The following CALN1 variants were observed in gnomAD, a reference collection of about 807,000 sequenced individuals.
CALN1 encodes calneuron 1.
CALN1 carries 17 observed loss-of-function variants against 30.6 expected under a neutral mutation model. That is an observed-to-expected ratio of 0.56 (90% CI 0.38 to 0.83). The LOEUF (loss-of-function observed/expected upper bound fraction) is 0.83, where lower values mean the gene tolerates loss of function less well. Among genes scored for constraint, CALN1 ranks in the 40% least tolerant of loss-of-function variants. The probability of loss-of-function intolerance (pLI) is 0.00; values close to 1 mark genes in which losing one functional copy is unlikely to be tolerated. For synonymous variants in CALN1, 156 were observed against 131.4 expected (o/e 1.19, Z -1.28); for missense variants, 291 against 354.9 (o/e 0.82, Z 1.45).
chr7:71,812,964 T>TTATTA (rs1193948310), intron 5 of CALN1, among the ~76,000 whole-genome samples: 1 of 140,826 alleles, frequency 7.1e-6, no homozygotes, highest in Non-Finnish European at 1.6e-5. Flanking sequence ...ATTATTATTA[T>TTATTA]TTGAGATGGA....
intron 2 of CALN1, among the ~76,000 whole-genome samples, chr7:72,396,894 T>TTAG (rs745687749): frequency 1.4e-4 from 21 of 152,056 alleles, no homozygotes; most frequent in Non-Finnish European, 2.8e-4. Context: ...GTAGAATCTT[T>TTAG]TAGTAGTAGT....
chr7:72,269,770 A>G (rs1028332401), intron 3 of CALN1, among the ~76,000 whole-genome samples: 3 of 152,258 alleles, frequency 2.0e-5, no homozygotes, highest in Admixed American at 2.0e-4. Flanking sequence ...CACAATGTTC[A>G]GTCTATAGTC....
intron 5 of CALN1, among the ~76,000 whole-genome samples, chr7:71,934,248 C>T (rs906709822): frequency 1.3e-5 from 2 of 152,102 alleles, no homozygotes; most frequent in Admixed American, 1.3e-4. Flanking sequence ...TCTTAGATCC[C>T]ATATCTGAAG....
chr7:71,868,349 G>A (rs1373421935), intron 5 of CALN1, among the ~76,000 whole-genome samples: 1 of 151,484 alleles, frequency 6.6e-6, no homozygotes, highest in Non-Finnish European at 1.5e-5. Context: ...GGAACAGCGA[G>A]AGGGGAGGAA....
intron 3 of CALN1, among the ~76,000 whole-genome samples, chr7:72,123,395 T>A (rs1471060113): frequency 6.6e-6 from 1 of 152,186 alleles, no homozygotes; most frequent in Admixed American, 6.5e-5. Context: ...AAACAAGAAC[T>A]CCTCTTCTGT....
intron 2 of CALN1, among the ~76,000 whole-genome samples, chr7:72,367,102 TTAA>T (rs1166382945): frequency 7.6e-6 from 1 of 131,948 alleles, no homozygotes; most frequent in Admixed American, 7.6e-5. Context: ...TGATTATATT[TTAA>T]TAATAAAAAA....
chr7:72,488,202 C>CA, the CALN1 span, among the ~76,000 whole-genome samples: 9 of 150,622 alleles, frequency 6.0e-5, no homozygotes, highest in Non-Finnish European at 8.9e-5. Flanking sequence ...CCTATCTGTA[C>CA]AAAAAAAAAT....
intron 4 of CALN1, among the ~76,000 whole-genome samples, chr7:72,044,831 G>A (rs1802367657): frequency 6.6e-6 from 1 of 151,766 alleles, no homozygotes; most frequent in Non-Finnish European, 1.5e-5. Flanking sequence ...TGTTCCCCAG[G>A]CCGATCTCCA....
chr7:72,060,028 C>G (rs973120728), intron 4 of CALN1, among the ~76,000 whole-genome samples: 1 of 152,098 alleles, frequency 6.6e-6, no homozygotes. Context: ...CTCGAGTACC[C>G]CCAGCTAGAT....
At chr7:71,832,499 T>C (rs1584324250) in intron 5 of CALN1, among the ~76,000 whole-genome samples, 1 of 152,316 alleles carries the variant, frequency 6.6e-6, no homozygotes, top group East Asian at 1.9e-4. Context: ...TGGGCACTTA[T>C]TCAGAAACAA....
intron 2 of CALN1, among the ~76,000 whole-genome samples, chr7:72,286,935 A>G (rs992082603): frequency 3.3e-5 from 5 of 152,240 alleles, no homozygotes; most frequent in Admixed American, 1.3e-4. Context: ...AGTGAGAAGA[A>G]GAGATATCAA....
chr7:71,920,107 G>C (rs575240590), intron 5 of CALN1, among the ~76,000 whole-genome samples: 2 of 152,284 alleles, frequency 1.3e-5, no homozygotes, highest in South Asian at 4.1e-4. Context: ...AAGGATTGCA[G>C]ACATGTTTAT....
At chr7:72,136,101 T>C (rs967123351) in intron 3 of CALN1, among the ~76,000 whole-genome samples, 4 of 144,088 alleles carry the variant, frequency 2.8e-5, no homozygotes, top group Admixed American at 6.9e-5. Context: ...CACCACTGCA[T>C]TCCAGCCTGG....
Position 71,838,068 on chromosome 7 carries a change from T to A in CALN1, c.502-27576A>T, listed in dbSNP as rs184433522. ...ATCATGTTACAGATTTTAATGGACATGGCTTTAGAGGCTGCATAAAATTGC... is the reference window on the plus strand; with the variant it reads ...ATCATGTTACAGATTTTAATGGACAAGGCTTTAGAGGCTGCATAAAATTGC... On this transcript the variant is annotated intron_variant, in intron 5 of 6. Coordinates refer to ENST00000395275, the MANE Select transcript of CALN1 (RefSeq NM_031468.4). Among the ~76,000 whole-genome samples the A allele has an allele frequency of 2.0e-3, 310 of 152,294 alleles. 1 individual carries two copies. The highest frequency in any genetic ancestry group is 7.3e-3 in the African/African-American group (303 of 41,564).
In CALN1 at chr7:71,781,389, T is replaced by A. The variant is rs1336486580; in HGVS notation, c.*6386A>T. On this transcript the variant is annotated 3_prime_UTR_variant, in exon 7 of 7. Transcript: ENST00000395275. ...AGAGAGGCATTCTGGGCTTGACAGA[T>A]GTCAGCATCCTCCCAGGAATGGCGA... 6.6e-6 allele frequency: 1 copy of A among 152,282 alleles called. No homozygotes were observed. The highest frequency in any genetic ancestry group is 1.5e-5 in the Non-Finnish European group (1 of 68,126). The allele number at this position is 152,282 out of a possible 1,614,324, so 9.4% of individuals were successfully genotyped here. A position where few individuals can be genotyped will look rare whatever the true frequency, so the allele number is the denominator to read the frequency against.
At chr7:71,973,484 G>A (rs1210044387) in intron 5 of CALN1, among the ~76,000 whole-genome samples, 1 of 151,944 alleles carries the variant, frequency 6.6e-6, no homozygotes, top group Non-Finnish European at 1.5e-5. Context: ...CCTGAATTCT[G>A]GTTTGAGTAT....
chr7:71,989,777 G>T (rs1584691765), intron 5 of CALN1, among the ~76,000 whole-genome samples: 1 of 152,022 alleles, frequency 6.6e-6, no homozygotes, highest in African/African-American at 2.4e-5. Flanking sequence ...ATCACTGTTA[G>T]CAAACAAAGA....
chr7:71,806,870 G>C (rs28465034), intron 6 of CALN1, among the ~76,000 whole-genome samples: 1 of 152,098 alleles, frequency 6.6e-6, no homozygotes, highest in African/African-American at 2.4e-5. Context: ...GGATTTGAGG[G>C]TTCCTCCTGT....
At chr7:72,499,278 A>T in the CALN1 span, among the ~76,000 whole-genome samples, 1 of 151,804 alleles carries the variant, frequency 6.6e-6, no homozygotes. Flanking sequence ...CGATCCACCC[A>T]CCTCAGCCTC....
Sources: gnomAD v4.1 joint callset for allele counts (sites outside exome capture counted in the v4.1 genomes callset) on GRCh38, gnomAD v4.1.1 for gene constraint, MANE v1.5 for transcripts, NCBI Gene and HGNC (gene_info 2026-07-23, HGNC 2026-07-21) for gene names.